MTOR: variants seen among roughly 807,000 people sequenced by gnomAD.
MTOR encodes mechanistic target of rapamycin kinase.
Under a neutral mutation model 319.8 loss-of-function variants are expected in MTOR, and 70 were observed. The observed-to-expected ratio is 0.22, with a 90% CI of 0.18 to 0.27. The LOEUF is 0.27. MTOR is among the 10% of genes least tolerant of loss of function. MTOR has a pLI of 1.00. For synonymous variants in MTOR, 1,183 were observed against 1,211.4 expected (o/e 0.98, Z 0.49); for missense variants, 1,890 against 3,274.4 (o/e 0.58, Z 10.32).
chr1:11,197,117 A>C (rs530138372), intron 28 of MTOR, among the ~76,000 whole-genome samples: 1 of 152,288 alleles, frequency 6.6e-6, no homozygotes, highest in Admixed American at 6.5e-5. Flanking sequence ...TTTAGCTTCA[A>C]GCTCTCTAGC....
At chr1:11,246,174 C>T (rs1167921656) in intron 8 of MTOR, among the ~76,000 whole-genome samples, 1 of 152,152 alleles carries the variant, frequency 6.6e-6, no homozygotes, top group African/African-American at 2.4e-5. Flanking sequence ...CCTTGACTAA[C>T]CTTAAAAAAG....
chr1:11,126,056 A>AG (rs1214348838), intron 46 of MTOR, among the ~76,000 whole-genome samples: 2 of 150,526 alleles, frequency 1.3e-5, no homozygotes, highest in Non-Finnish European at 3.0e-5. Flanking sequence ...AAAAAAAAAA[A>AG]AAAAAAAAAA....
intron 50 of MTOR, among the ~76,000 whole-genome samples, chr1:11,116,239 G>T (rs993704342): frequency 6.6e-6 from 1 of 152,184 alleles, no homozygotes; most frequent in Non-Finnish European, 1.5e-5. Flanking sequence ...TTCAATTACA[G>T]AAATAAAATG....
intron 29 of MTOR, among the ~76,000 whole-genome samples, chr1:11,165,418 G>T (rs1644612032): frequency 1.3e-5 from 2 of 152,184 alleles, no homozygotes; most frequent in South Asian, 2.1e-4. Context: ...AAATCAATGT[G>T]CAAAAATCAC....
At chr1:11,242,614 A>G (rs906784482) in intron 9 of MTOR, among the ~76,000 whole-genome samples, 23 of 152,126 alleles carry the variant, frequency 1.5e-4, no homozygotes, top group Middle Eastern at 3.4e-3. Context: ...GATGATGAAC[A>G]CTGACCCCCT....
At chr1:11,203,812 C>A (rs141661845) in intron 26 of MTOR, among the ~76,000 whole-genome samples, 1 of 152,180 alleles carries the variant, frequency 6.6e-6, no homozygotes, top group African/African-American at 2.4e-5. Context: ...AGCCTGACTG[C>A]GCCTTTGTGG....
intron 30 of MTOR, among the ~76,000 whole-genome samples, chr1:11,153,426 T>G (rs1200059056): frequency 6.6e-6 from 1 of 152,196 alleles, no homozygotes; most frequent in Non-Finnish European, 1.5e-5. Context: ...GGCTGTGATA[T>G]TTATATGTAA....
At chr1:11,237,358 C>T (rs367758374) in intron 13 of MTOR, among the ~76,000 whole-genome samples, 163 of 152,100 alleles carry the variant, frequency 1.1e-3, no homozygotes, top group Non-Finnish European at 1.5e-3. Context: ...TATTTAAGAA[C>T]GAAAGCCAGG....
At chr1:11,122,176 C>T (rs2100364732) in intron 47 of MTOR, 50 bp from the exon 48 acceptor site, 1 of 1,603,336 alleles carries the variant, frequency 6.2e-7, no homozygotes, top group Non-Finnish European at 8.5e-7. Flanking sequence ...AGAGTATACC[C>T]TTGAGCAGCT....
chr1:11,137,006 T>G (rs1643455011), intron 36 of MTOR, among the ~76,000 whole-genome samples: 1 of 151,866 alleles, frequency 6.6e-6, no homozygotes, highest in Admixed American at 6.6e-5. Context: ...CACACCCGGC[T>G]AATTTTTGCA....
At chr1:11,235,441 A>G (rs1647170447) in intron 13 of MTOR, among the ~76,000 whole-genome samples, 1 of 152,190 alleles carries the variant, frequency 6.6e-6, no homozygotes, top group South Asian at 2.1e-4. Context: ...ACGAGATCCC[A>G]CCATTGCACT....
rs537627366 is a variant in MTOR, at chr1:11,131,166, G to A, written c.5365-389C>T. 1.2e-5 allele frequency: 3 copies of A among 245,840 alleles called. No individual in the cohort carries two copies. The South Asian group carries it at 1.7e-4, about 14-fold the overall frequency. The allele number at this position is 245,840 out of a possible 1,614,324, so 15.2% of individuals were successfully genotyped here. On this transcript the variant is annotated intron_variant, in intron 38 of 57. Coordinates refer to ENST00000361445, the MANE Select transcript of MTOR (RefSeq NM_004958.4). ...GCTTTGTCAAGAAGAGGGATTTGGGGTAGGTCTGGAAGAGAGCTGCAGAAG... is the reference window on the plus strand; with the variant it reads ...GCTTTGTCAAGAAGAGGGATTTGGGATAGGTCTGGAAGAGAGCTGCAGAAG...
At chr1:11,219,627 C>T (rs1012877224) in intron 19 of MTOR, among the ~76,000 whole-genome samples, 1 of 152,122 alleles carries the variant, frequency 6.6e-6, no homozygotes, top group African/African-American at 2.4e-5. Flanking sequence ...CCACTACAAG[C>T]ATGACTTCTC....
chr1:11,167,636 A>C (rs1644687531), intron 28 of MTOR, 119 bp from the exon 29 acceptor site: 2 of 737,378 alleles, frequency 2.7e-6, no homozygotes, highest in Non-Finnish European at 4.8e-6. Flanking sequence ...GCAGATGCTG[A>C]AAGAGTATCA....
chr1:11,161,447 A>C (rs1028423838), intron 29 of MTOR, among the ~76,000 whole-genome samples: 1 of 152,228 alleles, frequency 6.6e-6, no homozygotes, highest in African/African-American at 2.4e-5. Context: ...TGGTTCTCCC[A>C]GAACAGAGTT....
At chr1:11,235,226 G>T (rs1341036766) in intron 13 of MTOR, among the ~76,000 whole-genome samples, 1 of 152,100 alleles carries the variant, frequency 6.6e-6, no homozygotes, top group African/African-American at 2.4e-5. Flanking sequence ...AGCAGTGCGG[G>T]GCCAATCCAA....
chr1:11,143,754 T>G (rs1643822796), intron 34 of MTOR: 1 of 152,156 alleles, frequency 6.6e-6, no homozygotes, highest in Non-Finnish European at 1.5e-5. Flanking sequence ...AATTAGCAAT[T>G]AGGTGGGGAT....
chr1:11,133,972 A>G lies in MTOR; in HGVS notation c.5246+379T>C, dbSNP rs1643283364. Among the ~76,000 whole-genome samples, 1 of 152,056 alleles carries G rather than the reference A, an allele frequency of 6.6e-6. No individual in the cohort carries two copies. Among genetic ancestry groups the G allele is most frequent in the South Asian group, 2.1e-4 (1 of 4,826 alleles). ...AGCCAGTGTGGTGGCACGTGCCTATAGCTACTTGGGAAACTGAGGTGGGAG... is the reference window on the plus strand; with the variant it reads ...AGCCAGTGTGGTGGCACGTGCCTATGGCTACTTGGGAAACTGAGGTGGGAG... On this transcript the variant is annotated intron_variant, in intron 37 of 57. Transcript: ENST00000361445. The surrounding 1 kb of genome is among the most constrained non-coding windows in gnomAD (Gnocchi z 4.0).
chr1:11,188,320 C>G (rs574317144), intron 28 of MTOR, among the ~76,000 whole-genome samples: 18 of 152,104 alleles, frequency 1.2e-4, no homozygotes, highest in African/African-American at 4.3e-4. Flanking sequence ...GAGCATTGTC[C>G]TTCATATATA....
Sources: allele counts gnomAD v4.1 joint callset (sites outside exome capture counted in the v4.1 genomes callset), GRCh38; gene constraint gnomAD v4.1.1; non-coding constraint Gnocchi (gnomAD v3.1); transcripts MANE v1.5; gene names NCBI Gene and HGNC (gene_info 2026-07-23, HGNC 2026-07-21).